JMJD1C: variants seen among roughly 807,000 people sequenced by gnomAD.
JMJD1C encodes the protein jumonji domain-containing protein 1C.
A neutral mutation model predicts 245.3 loss-of-function variants in JMJD1C; 31 were observed. That is an observed-to-expected ratio of 0.13 (90% CI 0.09 to 0.17). The LOEUF is 0.17. Ranked by LOEUF, JMJD1C falls within the 10% of genes least tolerant of loss-of-function variation. The pLI is 1.00. For missense variants in JMJD1C, 2,691 were observed against 3,000.2 expected (o/e 0.90, Z 2.41); for synonymous variants, 1,057 against 1,017.4 (o/e 1.04, Z -0.74).
rs1846806848 is a variant in JMJD1C, at chr10:63,207,698, G to A, written c.3971C>T (p.Ala1324Val). The A allele has an allele frequency of 9.3e-6, 15 of 1,614,150 alleles. No individual in the cohort carries two copies. Among genetic ancestry groups the A allele is most frequent in the Non-Finnish European group, 1.3e-5 (15 of 1,179,998 alleles). The change falls in exon 10 of 26, where the codon GCT (alanine) becomes GTT (valine). Residue 1324 changes from alanine (A) to valine (V), a missense_variant. Physicochemically the swap from Ala to Val is moderately conservative, Grantham distance 64. Around this residue, in one of 9 missense-constraint regions of JMJD1C, gnomAD observed 1,562 missense variants for 1,490.7 expected, o/e 1.05. Coordinates refer to ENST00000399262, the MANE Select transcript of JMJD1C (RefSeq NM_032776.3). ...KTDSMPAMQL[A>V]SKDRVSERSS... ...TCTTTCACTAACACGATCTTTAGAA[G>A]CTAACTGCATTGCTGGCATACTATC...
At chr10:63,272,256 C>T (rs924560548) in intron 2 of JMJD1C, among the ~76,000 whole-genome samples, 1 of 151,834 alleles carries the variant, frequency 6.6e-6, no homozygotes, top group Admixed American at 6.6e-5. Context: ...CAGAAGGTAA[C>T]TTTATTTTTT....
Position 63,184,584 on chromosome 10 carries a change from G to A in JMJD1C, c.6961+24C>T, listed in dbSNP as rs145027090. The A allele has an allele frequency of 5.7e-4, 899 of 1,569,912 alleles. 6 individuals are homozygous for A. In the African/African-American group the frequency reaches 0.012, roughly 20 times the overall value. On this transcript the variant is annotated intron_variant, in intron 21 of 25. Coordinates refer to ENST00000399262, the MANE Select transcript of JMJD1C (RefSeq NM_032776.3). Reference sequence around the variant, plus strand: ...AAAAATCCAATATAATTCCTACATGGGAGAAATGTGAATATATACCTACCA... The same window carrying A: ...AAAAATCCAATATAATTCCTACATGAGAGAAATGTGAATATATACCTACCA...
chr10:63,243,124 T>TATATATATATATATATATATATATAA (rs1491362612), intron 3 of JMJD1C, among the ~76,000 whole-genome samples: 6 of 85,794 alleles, frequency 7.0e-5, no homozygotes, highest in Non-Finnish European at 1.3e-4. Context: ...TATATATATA[T>TATATATATATATATATATATATATAA]AAATATATAT....
Position 63,438,067 on chromosome 10 carries a change from C to A in JMJD1C, c.168+27428G>T, listed in dbSNP as rs187827414. Among the ~76,000 whole-genome samples, 23 of 152,190 alleles carry A rather than the reference C, an allele frequency of 1.5e-4. No individual in the cohort carries two copies. The East Asian group carries it at 4.4e-3, about 29-fold the overall frequency. ...TACTCCCAGATTCTCCAGCCTAGAC[C>A]TCTCCCTTTAACTAACAAACATGAT... On this transcript the variant is annotated intron_variant, in intron 1 of 25. Coordinates refer to ENST00000399262, the MANE Select transcript of JMJD1C (RefSeq NM_032776.3).
intron 1 of JMJD1C, among the ~76,000 whole-genome samples, chr10:63,414,506 C>T (rs1564895138): frequency 3.9e-5 from 6 of 151,944 alleles, no homozygotes; most frequent in South Asian, 2.1e-4. Context: ...ATGTGAGCAC[C>T]GTGCTCAAAA....
At chr10:63,284,246 G>C (rs943353101) in intron 2 of JMJD1C, among the ~76,000 whole-genome samples, 1 of 151,998 alleles carries the variant, frequency 6.6e-6, no homozygotes, top group Admixed American at 6.6e-5. Context: ...GGCTGGTCTA[G>C]AACTCCTGAC....
chr10:63,429,209 C>A (rs1171466852), intron 1 of JMJD1C, among the ~76,000 whole-genome samples: 1 of 152,118 alleles, frequency 6.6e-6, no homozygotes, highest in East Asian at 1.9e-4. Context: ...AAACTCCTGA[C>A]CTCAGGTGAT....
chr10:63,419,093 A>T (rs1203145470), intron 1 of JMJD1C, among the ~76,000 whole-genome samples: 2 of 149,862 alleles, frequency 1.3e-5, no homozygotes, highest in South Asian at 2.1e-4. Context: ...AAAAAAAAAA[A>T]TCTAGATAAG....
At chr10:63,390,727 A>C (rs1171320169) in intron 1 of JMJD1C, among the ~76,000 whole-genome samples, 1 of 152,232 alleles carries the variant, frequency 6.6e-6, no homozygotes, top group Non-Finnish European at 1.5e-5. Flanking sequence ...GGATGGTTCA[A>C]CATATGTAAA....
At chr10:63,451,836 G>A (rs1487199883) in intron 1 of JMJD1C, among the ~76,000 whole-genome samples, 1 of 152,092 alleles carries the variant, frequency 6.6e-6, no homozygotes. Flanking sequence ...CTATTCAATG[G>A]AAAAAGGACA....
chr10:63,361,127 GAAAT>G (rs1014781976), intron 2 of JMJD1C, among the ~76,000 whole-genome samples: 1 of 152,050 alleles, frequency 6.6e-6, no homozygotes, highest in Non-Finnish European at 1.5e-5. Context: ...AATGTTTTAA[GAAAT>G]AAATAACTAG....
intron 2 of JMJD1C, among the ~76,000 whole-genome samples, chr10:63,337,708 T>C (rs1376921016): frequency 1.3e-5 from 2 of 152,090 alleles, no homozygotes; most frequent in Non-Finnish European, 2.9e-5. Flanking sequence ...AAGCCTCATA[T>C]AGATTACAGA....
rs79143322 is a variant in JMJD1C at position 63,254,194 on chromosome 10, C to A, written c.447+10457G>T. ...ATACCCATATGCACAACCAAAAAAA[C>A]AAACAAACAAACAAACAAAAAACAG... On this transcript the variant is annotated intron_variant, in intron 3 of 25. Transcript: ENST00000399262. Among the ~76,000 whole-genome samples the A allele has an allele frequency of 7.3e-5, 11 of 151,428 alleles. 1 individual carries two copies. In the South Asian group the frequency reaches 2.1e-3, roughly 29 times the overall value.
chr10:63,279,095 C>CA (rs1857128647), intron 2 of JMJD1C, among the ~76,000 whole-genome samples: 1 of 151,208 alleles, frequency 6.6e-6, no homozygotes, highest in South Asian at 2.1e-4. Flanking sequence ...ACTAAAAATA[C>CA]AAAAAATTCT....
At chr10:63,232,935 G>C (rs2133405283) in intron 3 of JMJD1C, among the ~76,000 whole-genome samples, 1 of 152,070 alleles carries the variant, frequency 6.6e-6, no homozygotes. Context: ...TTTTTCCTCT[G>C]TTCAAATTTT....
chr10:63,280,587 G>A (rs564886576), intron 2 of JMJD1C, among the ~76,000 whole-genome samples: 90 of 152,076 alleles, frequency 5.9e-4, no homozygotes, highest in Non-Finnish European at 9.1e-4. Flanking sequence ...TTGTCAAGTC[G>A]TCACTATAAG....
At chr10:63,275,141 CTTTG>C (rs763634093) in intron 2 of JMJD1C, among the ~76,000 whole-genome samples, 13 of 152,274 alleles carry the variant, frequency 8.5e-5, no homozygotes, top group Admixed American at 1.3e-4. Context: ...GTCTAAGTGA[CTTTG>C]TTTGTCAAAA....
chr10:63,193,671 TTTTG>T, intron 14 of JMJD1C, 199 bp from the exon 15 acceptor site: 1 of 408,542 alleles, frequency 2.4e-6, no homozygotes, highest in Non-Finnish European at 4.3e-6. Context: ...TTTTTTGTTT[TTTTG>T]TTTTTTTTTG....
At chr10:63,196,443 T>C (rs1473394170) in intron 13 of JMJD1C, among the ~76,000 whole-genome samples, 1 of 152,226 alleles carries the variant, frequency 6.6e-6, no homozygotes, top group Non-Finnish European at 1.5e-5. Flanking sequence ...AACATATTTA[T>C]TGCATATCCC....
Sources: allele counts gnomAD v4.1 joint callset (sites outside exome capture counted in the v4.1 genomes callset), GRCh38; gene constraint gnomAD v4.1.1; regional missense constraint gnomAD v4.1.1; transcripts MANE v1.5; gene names NCBI Gene and HGNC (gene_info 2026-07-23, HGNC 2026-07-21).